SPICE1: variants seen among roughly 807,000 people sequenced by gnomAD.
SPICE1 encodes the protein spindle and centriole-associated protein 1.
In SPICE1, 75 loss-of-function variants were observed where a neutral mutation model predicts 102.7. The ratio of observed to expected loss-of-function variants is 0.73; its 90% CI spans 0.61 to 0.88. The LOEUF (loss-of-function observed/expected upper bound fraction) is 0.88, where lower values mean the gene tolerates loss of function less well. Ranked by LOEUF, SPICE1 falls within the 40% of genes least tolerant of loss-of-function variation. The pLI is 0.00. For missense variants in SPICE1, 979 were observed against 1,020.1 expected (o/e 0.96, Z 0.55); for synonymous variants, 308 against 350.3 (o/e 0.88, Z 1.35).
intron 17 of SPICE1, among the ~76,000 whole-genome samples, chr3:113,445,783 G>C (rs2107437233): frequency 6.6e-6 from 1 of 152,096 alleles, no homozygotes; most frequent in South Asian, 2.1e-4. Context: ...GGACAATTCG[G>C]GTATCTATCA....
In SPICE1 at chr3:113,465,706, C is replaced by G. The variant is rs769698721; in HGVS notation, c.1234G>C (p.Asp412His). The G allele has an allele frequency of 2.7e-5, 43 of 1,613,674 alleles. No individual in the cohort carries two copies. Among genetic ancestry groups the G allele is most frequent in the Non-Finnish European group, 3.4e-6 (4 of 1,179,756 alleles). Residue 412 changes from aspartate (D) to histidine (H), a missense_variant, in exon 11 of 18, where the codon GAT (aspartate) becomes CAT (histidine). Physicochemically the swap from Asp to His is moderately conservative, Grantham distance 81. Transcript: ENST00000295872. ...QVLGDHRELI[D>H]ALTAEILRLR... ...CGAAGAATTTCAGCTGTCAGAGCATCAATGAGCTCTCGATGATCACCTAAT... is the reference window on the plus strand; with the variant it reads ...CGAAGAATTTCAGCTGTCAGAGCATGAATGAGCTCTCGATGATCACCTAAT...
chr3:113,514,295 T>C, intron 1 of SPICE1: 1 of 211,400 alleles, frequency 4.7e-6, no homozygotes, highest in Non-Finnish European at 9.6e-6. Context: ...ACTTAGTAAA[T>C]CCACTCTGAC....
At chr3:113,462,848 T>C (rs1166403517) in intron 11 of SPICE1, among the ~76,000 whole-genome samples, 1 of 152,088 alleles carries the variant, frequency 6.6e-6, no homozygotes, top group Non-Finnish European at 1.5e-5. Context: ...ACGTCTCTTC[T>C]CTTTAGTGGT....
chr3:113,483,162 T>A (rs943375737), intron 7 of SPICE1, among the ~76,000 whole-genome samples: 3 of 152,116 alleles, frequency 2.0e-5, no homozygotes, highest in African/African-American at 7.2e-5. Context: ...ATTCTCTTAG[T>A]AGCAATTGTG....
At chr3:113,457,401 A>C (rs757460264) in intron 12 of SPICE1, 44 bp from the exon 13 acceptor site, 12 of 1,584,386 alleles carry the variant, frequency 7.6e-6, no homozygotes, top group Admixed American at 1.7e-5. Flanking sequence ...AACAAAAAGA[A>C]ACTATGAGCA....
At position 113,465,839 on chromosome 3, in the gene SPICE1, A is replaced by G. The variant is rs964596523; in HGVS notation, c.1156-55T>C. 7 of 1,572,450 alleles carry G rather than the reference A, an allele frequency of 4.5e-6. No individual in the cohort carries two copies. In the Admixed American group the frequency reaches 1.1e-4, roughly 24 times the overall value. The stretch of plus-strand genomic sequence containing the variant: ...CAATAGCATCACATGTTGAAAACTA[A>G]AAGTTTGCACTCAAAGCTGGCAAAG... On this transcript the variant is annotated intron_variant, in intron 10 of 17. Transcript: ENST00000295872.
intron 1 of SPICE1, among the ~76,000 whole-genome samples, chr3:113,509,083 G>A (rs1015880314): frequency 9.8e-5 from 15 of 152,288 alleles, no homozygotes; most frequent in African/African-American, 3.4e-4. Flanking sequence ...TCTAGAGGGA[G>A]CATATAATGG....
intron 12 of SPICE1, among the ~76,000 whole-genome samples, chr3:113,459,226 G>C (rs571183476): frequency 4.7e-4 from 72 of 152,056 alleles, no homozygotes; most frequent in African/African-American, 1.6e-3. Flanking sequence ...CAGCATACTC[G>C]TTAAGAGTCA....
intron 17 of SPICE1, 131 bp downstream of exon 17, chr3:113,446,458 T>C: frequency 2.8e-6 from 2 of 726,978 alleles, no homozygotes; most frequent in Non-Finnish European, 4.6e-6. Flanking sequence ...TAAATTAGTA[T>C]TTCTTTTCTT....
intron 3 of SPICE1, among the ~76,000 whole-genome samples, chr3:113,500,334 T>TA (rs761522502): frequency 5.3e-4 from 80 of 152,144 alleles, no homozygotes; most frequent in Non-Finnish European, 8.7e-4. Context: ...ACCATGTAAA[T>TA]AAAAAATCAA....
At chr3:113,499,350 T>A (rs1476070380) in intron 4 of SPICE1, 89 bp downstream of exon 4, 15 of 1,365,432 alleles carry the variant, frequency 1.1e-5, no homozygotes, top group African/African-American at 1.5e-5. Context: ...ATTACTAGAG[T>A]CTCTCCAACG....
intron 7 of SPICE1, among the ~76,000 whole-genome samples, chr3:113,477,927 A>G (rs1393423003): frequency 6.6e-6 from 1 of 151,588 alleles, no homozygotes; most frequent in Non-Finnish European, 1.5e-5. Context: ...CCTAAAACTT[A>G]AAGTATAATA....
intron 15 of SPICE1, chr3:113,448,901 A>G (rs1935578592): frequency 6.6e-6 from 1 of 152,190 alleles, no homozygotes; most frequent in African/African-American, 2.4e-5. Flanking sequence ...AAACAAATAT[A>G]AGAATTTTAC....
At position 113,471,817 on chromosome 3, in the gene SPICE1, G is replaced by A. The variant is rs1450473164; in HGVS notation, c.612-2579C>T. 2.0e-5 allele frequency among the ~76,000 whole-genome samples: 3 copies of A among 152,260 alleles called. 1 individual carries two copies. The highest frequency in any genetic ancestry group is 4.2e-4 in the South Asian group (2 of 4,818). ...TTTTTTCGGGAAGGGCAGCCAAGGT[G>A]GCCGAATAGGAACAGCTCCGGTCTA... On this transcript the variant is annotated intron_variant, in intron 7 of 17. Coordinates refer to ENST00000295872, the MANE Select transcript of SPICE1 (RefSeq NM_144718.4).
chr3:113,493,977 T>A, intron 5 of SPICE1, 72 bp downstream of exon 5: 1 of 1,062,574 alleles, frequency 9.4e-7, no homozygotes. Flanking sequence ...AGAAAGGACT[T>A]TAAATTCTTC....
Position 113,465,795 on chromosome 3 carries a change from A to T in SPICE1, c.1156-11T>A, listed in dbSNP as rs146456814. The T allele has an allele frequency of 6.2e-6, 10 of 1,607,440 alleles. No homozygotes were observed. The highest frequency in any genetic ancestry group is 1.7e-5 in the Admixed American group (1 of 58,540). ...TAGCTGGATCTCACTCTACAAAAAA[A>T]TATCAAATAAACTTCCACCAATAGC... On this transcript the variant is annotated splice_polypyrimidine_tract_variant and intron_variant, in intron 10 of 17. Coordinates refer to ENST00000295872, the MANE Select transcript of SPICE1 (RefSeq NM_144718.4).
At chr3:113,489,858 A>G (rs1936728785) in intron 6 of SPICE1, among the ~76,000 whole-genome samples, 2 of 151,468 alleles carry the variant, frequency 1.3e-5, no homozygotes, top group African/African-American at 4.9e-5. Context: ...AAAAAAAAAA[A>G]AAAAAAAAAA....
intron 7 of SPICE1, among the ~76,000 whole-genome samples, chr3:113,479,237 G>A (rs1168162300): frequency 6.8e-6 from 1 of 147,980 alleles, no homozygotes; most frequent in South Asian, 2.2e-4. Flanking sequence ...TTGGTTTTTT[G>A]TCCTTGCGAT....
intron 7 of SPICE1, among the ~76,000 whole-genome samples, chr3:113,471,786 A>AT (rs1055979447): frequency 4.6e-5 from 7 of 152,094 alleles, no homozygotes; most frequent in African/African-American, 1.7e-4. Context: ...CAAAAAAAAA[A>AT]TTTTGTTTTT....
Sources: allele counts gnomAD v4.1 joint callset (sites outside exome capture counted in the v4.1 genomes callset), GRCh38; gene constraint gnomAD v4.1.1; transcripts MANE v1.5; gene names NCBI Gene and HGNC (gene_info 2026-07-23, HGNC 2026-07-21).